Variants in CADPS observed in about 807,000 individuals in gnomAD.
CADPS encodes calcium-dependent secretion activator 1.
Under a neutral mutation model 167.3 loss-of-function variants are expected in CADPS, and 57 were observed. The ratio of observed to expected loss-of-function variants is 0.34; its 90% CI spans 0.28 to 0.42. CADPS has a LOEUF of 0.42. CADPS is among the 20% of genes least tolerant of loss of function. The pLI is 1.00. For synonymous variants in CADPS, 676 were observed against 635.3 expected (o/e 1.06, Z -0.96); for missense variants, 1,414 against 1,738.1 (o/e 0.81, Z 3.32).
At chr3:62,583,153 T>TTGTCTC (rs1189907885) in intron 8 of CADPS, among the ~76,000 whole-genome samples, 1 of 63,992 alleles carries the variant, frequency 1.6e-5, no homozygotes, top group African/African-American at 6.2e-5. Context: ...CCTACCCTCT[T>TTGTCTC]TGTCTCTCTC....
chr3:62,591,475 G>A (rs2086014051), intron 7 of CADPS, among the ~76,000 whole-genome samples: 1 of 152,198 alleles, frequency 6.6e-6, no homozygotes, highest in Non-Finnish European at 1.5e-5. Flanking sequence ...AAAGTCCCCT[G>A]AGGAGGGAGA....
intron 6 of CADPS, among the ~76,000 whole-genome samples, chr3:62,607,704 A>C (rs187840124): frequency 1.2e-4 from 18 of 152,208 alleles, no homozygotes; most frequent in African/African-American, 4.1e-4. Flanking sequence ...GTTGGTTTGC[A>C]TTGGGGCGGG....
At chr3:62,682,065 C>A (rs1036570492) in intron 3 of CADPS, among the ~76,000 whole-genome samples, 1 of 152,008 alleles carries the variant, frequency 6.6e-6, no homozygotes, top group African/African-American at 2.4e-5. Context: ...AGAAAATAAT[C>A]AGAGGAAATG....
intron 11 of CADPS, among the ~76,000 whole-genome samples, chr3:62,541,668 A>G (rs2075720047): frequency 6.6e-6 from 1 of 151,958 alleles, no homozygotes; most frequent in Admixed American, 6.6e-5. Context: ...TGGGTTTTAT[A>G]CTCTCATCTC....
intron 5 of CADPS, among the ~76,000 whole-genome samples, chr3:62,646,315 C>T (rs1355002125): frequency 1.3e-5 from 2 of 151,864 alleles, no homozygotes; most frequent in African/African-American, 4.8e-5. Flanking sequence ...CAGGTGCACG[C>T]CACCATGCCC....
intron 1 of CADPS, among the ~76,000 whole-genome samples, chr3:62,854,112 G>T (rs2079171927): frequency 6.6e-6 from 1 of 152,032 alleles, no homozygotes; most frequent in South Asian, 2.1e-4. Context: ...TATTTGGAAT[G>T]AACTAAAATG....
chr3:62,747,628 A>C (rs1431057162), intron 3 of CADPS, among the ~76,000 whole-genome samples: 1 of 152,236 alleles, frequency 6.6e-6, no homozygotes, highest in Non-Finnish European at 1.5e-5. Flanking sequence ...TTAGCAGTTC[A>C]ATAATGATAG....
intron 1 of CADPS, among the ~76,000 whole-genome samples, chr3:62,840,579 A>C (rs2076510372): frequency 1.3e-5 from 2 of 152,156 alleles, no homozygotes; most frequent in Non-Finnish European, 2.9e-5. Flanking sequence ...ATATATGTAT[A>C]TATAAAAAAG....
At chr3:62,851,118 A>T (rs1415995335) in intron 1 of CADPS, among the ~76,000 whole-genome samples, 4 of 121,768 alleles carry the variant, frequency 3.3e-5, no homozygotes, top group Admixed American at 8.6e-5. Context: ...TTTGTTTTCC[A>T]TTTGCTTGGT....
At chr3:62,588,448 A>G (rs566911515) in intron 7 of CADPS, among the ~76,000 whole-genome samples, 1 of 152,128 alleles carries the variant, frequency 6.6e-6, no homozygotes, top group Non-Finnish European at 1.5e-5. Context: ...GATTGGACAC[A>G]GAGGGCCTAC....
Position 62,765,876 on chromosome 3 carries a change from A to G in CADPS, c.550T>C (p.Tyr184His), listed in dbSNP as rs1304651123. The change falls in exon 2 of 30, where the codon TAT (tyrosine) becomes CAT (histidine). Residue 184 changes from tyrosine to histidine, a missense_variant. Physicochemically the swap from Tyr to His is moderately conservative, Grantham distance 83 (BLOSUM62 2). This residue lies in a region of CADPS where 522 missense variants were observed against 559.5 expected (regional missense o/e 0.93). Coordinates refer to ENST00000383710, the MANE Select transcript of CADPS (RefSeq NM_003716.4). ...EAFMNAVQSY[Y>H]EVFLKSDRVA... ...TTCTGAACAGTGATTCTCACCTCAT[A>G]GTAACTCTGCACAGCGTTCATGAAG... The G allele has an allele frequency of 5.6e-6, 9 of 1,605,654 alleles. No homozygotes were observed. Among genetic ancestry groups the G allele is most frequent in the Non-Finnish European group, 7.7e-6 (9 of 1,172,750 alleles).
Position 62,513,853 on chromosome 3 carries a change from C to T in CADPS, c.2582-1085G>A, listed in dbSNP as rs2068403127. 1.0e-5 allele frequency: 6 copies of T among 589,264 alleles called. No individual in the cohort carries two copies. In the Admixed American group the frequency reaches 1.2e-4, roughly 12 times the overall value. 36.5% of individuals were successfully genotyped at this position (589,264 alleles called of 1,614,324 possible). Reference sequence around the variant, plus strand: ...AAACACAGGATAAAAGAAAAAGGAGCTTCAAAATTGGAGATCTACTGGATT... The same window carrying T: ...AAACACAGGATAAAAGAAAAAGGAGTTTCAAAATTGGAGATCTACTGGATT... On this transcript the variant is annotated intron_variant, in intron 16 of 29. Transcript: ENST00000383710.
chr3:62,585,787 T>C (rs539993729), intron 7 of CADPS, among the ~76,000 whole-genome samples: 45 of 152,316 alleles, frequency 3.0e-4, no homozygotes, highest in South Asian at 1.0e-3. Context: ...GAAGGAACCT[T>C]ATTAGATGGA....
At chr3:62,405,279 G>C (rs1708025312) in intron 28 of CADPS, among the ~76,000 whole-genome samples, 1 of 151,810 alleles carries the variant, frequency 6.6e-6, no homozygotes, top group Admixed American at 6.6e-5. Context: ...CCTCATGAGG[G>C]GTACATCTCA....
chr3:62,828,505 A>T (rs1408279254), intron 1 of CADPS, among the ~76,000 whole-genome samples: 1 of 152,134 alleles, frequency 6.6e-6, no homozygotes, highest in Non-Finnish European at 1.5e-5. Context: ...AGAAAAAAAC[A>T]TGTTACCAGA....
intron 26 of CADPS, among the ~76,000 whole-genome samples, chr3:62,464,641 G>A (rs577970290): frequency 6.0e-4 from 91 of 152,228 alleles, no homozygotes; most frequent in African/African-American, 2.2e-3. Flanking sequence ...TCATTTCTAT[G>A]GCCTTGCCTA....
Position 62,874,820 on chromosome 3 carries a change from G to T in CADPS, c.210C>A (p.Ser70Arg). The T allele has an allele frequency of 9.4e-7, 1 of 1,058,456 alleles. No individual in the cohort carries two copies. Among genetic ancestry groups the T allele is most frequent in the Non-Finnish European group, 1.2e-6 (1 of 864,278 alleles). The allele number at this position is 1,058,456 out of a possible 1,614,324, so 65.6% of individuals were successfully genotyped here. Reference protein sequence around the residue: ...GAGGGGGSGASSGGGAGGLQP... With the variant: ...GAGGGGGSGARSGGGAGGLQP... ...GCAGCCCCCCGGCCCCGCCGCCGCT[G>T]CTCGCGCCGCTGCCCCCGCCGCCGC... Residue 70 changes from serine (S) to arginine (R), a missense_variant, in exon 1 of 30, where the codon AGC becomes AGA. Coordinates refer to ENST00000383710, the MANE Select transcript of CADPS (RefSeq NM_003716.4). This position sits in a 1 kb window ranked among gnomAD's most constrained non-coding sequence, Gnocchi z 7.1.
chr3:62,862,868 C>A (rs1349028037), intron 1 of CADPS, among the ~76,000 whole-genome samples: 2 of 152,204 alleles, frequency 1.3e-5, no homozygotes, highest in African/African-American at 2.4e-5. Context: ...GGTTGGTGCT[C>A]TGTAGCCCAT....
At chr3:62,752,263 T>C (rs1381943469) in intron 3 of CADPS, among the ~76,000 whole-genome samples, 2 of 152,216 alleles carry the variant, frequency 1.3e-5, no homozygotes, top group Non-Finnish European at 2.9e-5. Flanking sequence ...AATTTAATTT[T>C]ATATTGATAT....
Sources: gnomAD v4.1 joint callset for allele counts (sites outside exome capture counted in the v4.1 genomes callset) on GRCh38, gnomAD v4.1.1 for gene constraint, gnomAD v4.1.1 regional missense constraint, Gnocchi (gnomAD v3.1) non-coding constraint, MANE v1.5 for transcripts, NCBI Gene and HGNC (gene_info 2026-07-23, HGNC 2026-07-21) for gene names.